GLIS3: variants seen among roughly 807,000 people sequenced by gnomAD.
GLIS3 encodes the protein zinc finger protein GLIS3.
Under a neutral mutation model 78.6 loss-of-function variants are expected in GLIS3, and 53 were observed. The observed-to-expected ratio is 0.67, with a 90% CI of 0.54 to 0.85. The LOEUF (loss-of-function observed/expected upper bound fraction) is 0.85, where lower values mean the gene tolerates loss of function less well. Among genes scored for constraint, GLIS3 ranks in the 40% least tolerant of loss-of-function variants. GLIS3 has a pLI of 0.00. For missense variants in GLIS3, 1,703 were observed against 1,231.1 expected, an observed-to-expected ratio of 1.38 and a Z score of -5.74; for synonymous variants, 684 against 509.9, an observed-to-expected ratio of 1.34 and a Z score of -4.60.
At chr9:4,241,515 C>T (rs973886774) in intron 2 of GLIS3, among the ~76,000 whole-genome samples, 3 of 152,056 alleles carry the variant, frequency 2.0e-5, no homozygotes, top group African/African-American at 7.2e-5. Context: ...CCCAACTACA[C>T]CCCAACTACC....
intron 2 of GLIS3, among the ~76,000 whole-genome samples, chr9:4,223,407 T>C (rs1312500381): frequency 6.6e-6 from 1 of 152,194 alleles, no homozygotes; most frequent in South Asian, 2.1e-4. Flanking sequence ...TAAGTGTGCC[T>C]CCCTCAAAGA....
chr9:3,857,996 C>T (rs899432547), intron 8 of GLIS3, among the ~76,000 whole-genome samples: 13 of 152,156 alleles, frequency 8.5e-5, no homozygotes, highest in Admixed American at 7.9e-4. Flanking sequence ...TCCCAAATCC[C>T]CTGGTCCTTA....
At chr9:4,489,638 CTG>C in the GLIS3 span, among the ~76,000 whole-genome samples, 2 of 152,200 alleles carry the variant, frequency 1.3e-5, no homozygotes, top group Non-Finnish European at 2.9e-5. Flanking sequence ...CTAGTTTCTC[CTG>C]TGTTTGCCTT....
chr9:4,287,745 G>A (rs1041689245), intron 1 of GLIS3, among the ~76,000 whole-genome samples: 14 of 152,144 alleles, frequency 9.2e-5, no homozygotes, highest in Non-Finnish European at 7.3e-5. Flanking sequence ...AAATAATCGA[G>A]AAAAGGCTAT....
chr9:4,340,780 C>T (rs553060394), intron 2 of GLIS3, among the ~76,000 whole-genome samples: 25 of 152,246 alleles, frequency 1.6e-4, no homozygotes, highest in African/African-American at 4.8e-4. Flanking sequence ...ACTGAACCTC[C>T]GCCTCCTGGG....
chr9:4,448,174 A>C, the GLIS3 span, among the ~76,000 whole-genome samples: 1 of 152,228 alleles, frequency 6.6e-6, no homozygotes, highest in Non-Finnish European at 1.5e-5. Context: ...ATTGTCTTCT[A>C]AGACAATCTC....
chr9:4,248,013 C>T (rs1016806027), intron 2 of GLIS3, among the ~76,000 whole-genome samples: 3 of 152,148 alleles, frequency 2.0e-5, no homozygotes. Flanking sequence ...ACTCTGTACC[C>T]TTGGACCAGT....
chr9:4,219,879 G>A (rs1233969375), intron 2 of GLIS3, among the ~76,000 whole-genome samples: 2 of 152,100 alleles, frequency 1.3e-5, no homozygotes, highest in African/African-American at 4.8e-5. Context: ...TGACACCTTA[G>A]TAGCAATAAG....
chr9:4,013,981 C>T (rs940152019), intron 4 of GLIS3, among the ~76,000 whole-genome samples: 4 of 152,180 alleles, frequency 2.6e-5, no homozygotes, highest in Non-Finnish European at 4.4e-5. Context: ...TTTACTTCTT[C>T]ATGCAATGGT....
At chr9:4,255,637 C>G (rs764996516) in intron 2 of GLIS3, among the ~76,000 whole-genome samples, 1 of 152,038 alleles carries the variant, frequency 6.6e-6, no homozygotes, top group Non-Finnish European at 1.5e-5. Context: ...TGTATAATTC[C>G]AACTATATGA....
chr9:4,267,227 C>G (rs139768985), intron 2 of GLIS3, among the ~76,000 whole-genome samples: 45 of 152,200 alleles, frequency 3.0e-4, no homozygotes, highest in African/African-American at 9.9e-4. Flanking sequence ...AGTGTTTTTA[C>G]TAGACTATTC....
chr9:4,229,426 G>C (rs1360665901), intron 2 of GLIS3, among the ~76,000 whole-genome samples: 2 of 152,206 alleles, frequency 1.3e-5, no homozygotes, highest in African/African-American at 4.8e-5. Context: ...CAGAGTTCTG[G>C]ATCTGAGCAA....
chr9:4,153,684 A>G (rs1834848360), intron 2 of GLIS3, among the ~76,000 whole-genome samples: 1 of 152,248 alleles, frequency 6.6e-6, no homozygotes, highest in Non-Finnish European at 1.5e-5. Flanking sequence ...ATTGCTTTAC[A>G]AATGAGTGGA....
At chr9:3,956,523 G>C (rs1238289321) in intron 4 of GLIS3, among the ~76,000 whole-genome samples, 1 of 152,184 alleles carries the variant, frequency 6.6e-6, no homozygotes, top group Non-Finnish European at 1.5e-5. Context: ...AAGCCAAAGG[G>C]CTTGGAGACA....
chr9:4,406,665 T>C, the GLIS3 span, among the ~76,000 whole-genome samples: 1 of 151,956 alleles, frequency 6.6e-6, no homozygotes, highest in Non-Finnish European at 1.5e-5. Flanking sequence ...CAGTGAAAAA[T>C]CTAAAAAGGA....
chr9:4,315,317 G>C (rs1354071882), intron 2 of GLIS3, among the ~76,000 whole-genome samples: 3 of 152,108 alleles, frequency 2.0e-5, no homozygotes, highest in African/African-American at 7.2e-5. Context: ...TCCTACACAA[G>C]AAGCCTGAGA....
chr9:3,845,629 G>C (rs1207991374), intron 9 of GLIS3, among the ~76,000 whole-genome samples: 1 of 152,194 alleles, frequency 6.6e-6, no homozygotes, highest in African/African-American at 2.4e-5. Context: ...ACCCAGGTTT[G>C]TTGATTTATA....
At chr9:4,298,331 G>T (rs1816779507) in intron 1 of GLIS3, 1 of 455,598 alleles carries the variant, frequency 2.2e-6, no homozygotes, top group Admixed American at 2.4e-5. Flanking sequence ...GCAAGTCGGA[G>T]GGCGCGAACG....
At chr9:4,485,110 G>A in the GLIS3 span, among the ~76,000 whole-genome samples, 1 of 151,856 alleles carries the variant, frequency 6.6e-6, no homozygotes, top group African/African-American at 2.4e-5. Context: ...TACCTCCTGG[G>A]TTCAAGCGAT....
Sources: gnomAD v4.1 joint callset for allele counts (sites outside exome capture counted in the v4.1 genomes callset) on GRCh38, gnomAD v4.1.1 for gene constraint, MANE v1.5 for transcripts, NCBI Gene and HGNC (gene_info 2026-07-23, HGNC 2026-07-21) for gene names.